Variants in POTEE observed in about 807,000 individuals in gnomAD.
POTEE encodes the protein POTE ankyrin domain family member E, also known as ANKRD26-like family C member 1A.
Under a neutral mutation model 74.2 loss-of-function variants are expected in POTEE, and 21 were observed. That is an observed-to-expected ratio of 0.28 (90% CI 0.20 to 0.41). The LOEUF (loss-of-function observed/expected upper bound fraction) is 0.41. POTEE is among the 10% of genes least tolerant of loss of function. POTEE has a pLI of 1.00. For missense variants in POTEE, 525 were observed against 1,158.6 expected (o/e 0.45, Z 7.94); for synonymous variants, 211 against 432.8 (o/e 0.49, Z 6.36).
chr2:131,209,911 A>AG (rs1458865633), intron 1 of POTEE, among the ~76,000 whole-genome samples, 92 bp downstream of exon 1: 3 of 126,176 alleles, frequency 2.4e-5, no homozygotes, highest in Non-Finnish European at 4.8e-5. Flanking sequence ...TGCCTGTGTC[A>AG]GGGGGCTGGT....
At chr2:131,232,985 T>C (rs1349785917) in intron 9 of POTEE, among the ~76,000 whole-genome samples, 1 of 152,054 alleles carries the variant, frequency 6.6e-6, no homozygotes, top group African/African-American at 2.4e-5. Context: ...GGTAAATACC[T>C]GATTAGCTTA....
At chr2:131,263,301 T>C in intron 17 of POTEE, 54 bp from the exon 18 acceptor site, 1 of 1,569,290 alleles carries the variant, frequency 6.4e-7, no homozygotes. Flanking sequence ...TCAGAAGAAA[T>C]CATGATATGT....
intron 2 of POTEE, among the ~76,000 whole-genome samples, chr2:131,211,981 C>T (rs1321673115): frequency 6.6e-6 from 1 of 151,928 alleles, no homozygotes; most frequent in East Asian, 1.9e-4. Context: ...TTTTTCTAGT[C>T]TGTGTATTCT....
At chr2:131,218,139 G>C in intron 3 of POTEE, 171 bp from the exon 4 acceptor site, 1 of 707,304 alleles carries the variant, frequency 1.4e-6, no homozygotes, top group Non-Finnish European at 2.3e-6. Context: ...TGGGGGCGGG[G>C]GTTGGCCCTT....
rs1701712998 is a variant in POTEE, at chr2:131,261,814, CAGAT to C, written c.1871_1874del (p.Ile624LysfsTer6). On this transcript the variant is annotated frameshift_variant, in exon 17 of 18. Transcript: ENST00000683005. LOFTEE classifies it high-confidence loss of function. ...TGAGATTCTGATTCATGAAGAAAAG[CAGAT>C]AGAAGTGGTTGAAAAAATGAATTCT... 1 of 94,324 alleles carries C rather than the reference CAGAT, an allele frequency of 1.1e-5. No homozygotes were observed. Among genetic ancestry groups the C allele is most frequent in the Admixed American group, 3.2e-4 (1 of 3,088 alleles). 5.8% of individuals were successfully genotyped at this position (94,324 alleles called of 1,614,324 possible). A position where few individuals can be genotyped will look rare whatever the true frequency, so the allele number is the denominator to read the frequency against.
intron 3 of POTEE, among the ~76,000 whole-genome samples, 44 bp downstream of exon 3, chr2:131,217,727 C>T (rs1335280169): frequency 8.6e-5 from 13 of 150,706 alleles, no homozygotes; most frequent in African/African-American, 3.0e-4. Context: ...CGTGCCCTGA[C>T]GCCACCTGAG....
rs1701867631 is a variant in POTEE, at chr2:131,265,087, T to C, written c.*404T>C. The stretch of plus-strand genomic sequence containing the variant: ...TGCAAATTACATAATGCAAAATTTT[T>C]TGAATCTTCGCCTTAATACTTTTTA... On this transcript the variant is annotated 3_prime_UTR_variant, in exon 18 of 18. Coordinates refer to ENST00000683005, the MANE Select transcript of POTEE (RefSeq NM_001083538.3). 2 of 212,362 alleles carry C rather than the reference T, an allele frequency of 9.4e-6. No individual in the cohort carries two copies. The highest frequency in any genetic ancestry group is 4.8e-5 in the African/African-American group (2 of 41,692). The allele number at this position is 212,362 out of a possible 1,614,324, so 13.2% of individuals were successfully genotyped here.
intron 4 of POTEE, among the ~76,000 whole-genome samples, chr2:131,222,713 C>T (rs1383588531): frequency 1.3e-5 from 2 of 152,092 alleles, no homozygotes; most frequent in African/African-American, 2.4e-5. Context: ...AAAATGAGCC[C>T]ATGCTATTCA....
rs1247668917 is a variant in POTEE, at chr2:131,209,642, G to A, written c.-522G>A. 8.5e-5 allele frequency among the ~76,000 whole-genome samples: 13 copies of A among 152,300 alleles called. No homozygotes were observed. The highest frequency in any genetic ancestry group is 3.9e-4 in the Admixed American group (6 of 15,300). On this transcript the variant is annotated 5_prime_UTR_variant, in exon 1 of 18. Coordinates refer to ENST00000683005, the MANE Select transcript of POTEE (RefSeq NM_001083538.3). ...CTGCAGTTGGTGGTGTCCACAGAGC[G>A]GTAGGAGGGCAACTAGTAGCGGGAG...
In POTEE at chr2:131,264,124, T is replaced by G; in HGVS notation, c.2669T>G (p.Met890Arg). ...LAGRELPDYL[M>R]KILTERGYRF... is the part of the protein sequence containing the mutation. ...GGGCGGGAACTGCCTGACTACCTCA[T>G]GAAGATCCTCACCGAGCGTGGCTAT... The change falls in exon 18 of 18, where the codon ATG (methionine) becomes AGG (arginine). Residue 890 changes from methionine (M) to arginine (R), a missense_variant. Transcript: ENST00000683005. The G allele has an allele frequency of 6.2e-7, 1 of 1,614,286 alleles. No individual in the cohort carries two copies. Among genetic ancestry groups the G allele is most frequent in the Non-Finnish European group, 8.5e-7 (1 of 1,180,056 alleles).
rs1559166819 is a variant in POTEE, at chr2:131,217,780, GCGCACGCGCACGC to G, written c.-94+99_-94+111del. Among the ~76,000 whole-genome samples the G allele has an allele frequency of 1.2e-3, 128 of 107,128 alleles. 3 individuals carry two copies. Among genetic ancestry groups the G allele is most frequent in the African/African-American group, 4.4e-3 (126 of 28,912 alleles). 70.3% of individuals were successfully genotyped at this position (107,128 alleles called of 152,430 possible). A position where few individuals can be genotyped will look rare whatever the true frequency, so the allele number is the denominator to read the frequency against. ...CGCACGCCGCACGCGCACGCCGCAC[GCGCACGCGCACGC>G]CCGGCAGCAGCTTGCTGGCTTGTAA... On this transcript the variant is annotated intron_variant, in intron 3 of 17. Coordinates refer to ENST00000683005, the MANE Select transcript of POTEE (RefSeq NM_001083538.3).
At chr2:131,211,376 AC>A (rs1160405219) in intron 2 of POTEE, among the ~76,000 whole-genome samples, 193 bp downstream of exon 2, 2 of 151,120 alleles carry the variant, frequency 1.3e-5, no homozygotes, top group African/African-American at 2.4e-5. Context: ...CTGGTGCTGT[AC>A]CATGGGCCTC....
chr2:131,211,713 C>T (rs1330797758), intron 2 of POTEE, among the ~76,000 whole-genome samples: 2 of 151,332 alleles, frequency 1.3e-5, no homozygotes, highest in African/African-American at 4.9e-5. Context: ...CCACCACGCC[C>T]AGCCAATTTT....
intron 6 of POTEE, among the ~76,000 whole-genome samples, chr2:131,226,350 T>G (rs1356546947): frequency 1.5e-5 from 2 of 131,762 alleles, no homozygotes; most frequent in African/African-American, 2.9e-5. Flanking sequence ...AGTATGAGTT[T>G]TAATAGCAAT....
At chr2:131,214,318 G>A (rs1219038775) in intron 2 of POTEE, among the ~76,000 whole-genome samples, 2 of 152,196 alleles carry the variant, frequency 1.3e-5, no homozygotes, top group Non-Finnish European at 2.9e-5. Flanking sequence ...TGGATATGAA[G>A]ATGTATTTAT....
At chr2:131,258,404 GT>G (rs1403907978) in intron 16 of POTEE, among the ~76,000 whole-genome samples, 1 of 106,588 alleles carries the variant, frequency 9.4e-6, no homozygotes, top group African/African-American at 3.3e-5. Context: ...TTTTGTTTTT[GT>G]TTTTGGTATT....
rs1368596617 is a variant in POTEE at position 131,209,612 on chromosome 2, G to A, written c.-552G>A. On this transcript the variant is annotated 5_prime_UTR_variant, in exon 1 of 18. Transcript: ENST00000683005. ...TTTCTGGCTGGAGCCTCGGACACTGGCTCACTGCAGTTGGTGGTGTCCACA... is the reference window on the plus strand; with the variant it reads ...TTTCTGGCTGGAGCCTCGGACACTGACTCACTGCAGTTGGTGGTGTCCACA... Among the ~76,000 whole-genome samples the A allele has an allele frequency of 6.6e-6, 1 of 152,192 alleles. No individual in the cohort carries two copies. Among genetic ancestry groups the A allele is most frequent in the South Asian group, 2.1e-4 (1 of 4,836 alleles).
intron 4 of POTEE, among the ~76,000 whole-genome samples, chr2:131,220,335 C>T (rs1205193022): frequency 6.7e-6 from 1 of 150,328 alleles, no homozygotes; most frequent in African/African-American, 2.4e-5. Flanking sequence ...TACTGAGTAG[C>T]TGGGATTACA....
chr2:131,237,137 A>G (rs2105103235), intron 10 of POTEE, among the ~76,000 whole-genome samples: 1 of 151,956 alleles, frequency 6.6e-6, no homozygotes, highest in Admixed American at 6.5e-5. Context: ...AGAGGCAAAA[A>G]CAAATTTCAG....
Sources: allele counts gnomAD v4.1 joint callset (sites outside exome capture counted in the v4.1 genomes callset), GRCh38; gene constraint gnomAD v4.1.1; transcripts MANE v1.5; gene names NCBI Gene and HGNC (gene_info 2026-07-23, HGNC 2026-07-21).